The following EPB41L1 variants were observed in gnomAD, a reference collection of about 807,000 sequenced individuals.
EPB41L1 encodes band 4.1-like protein 1.
EPB41L1 carries 29 observed loss-of-function variants against 97.8 expected under a neutral mutation model. The ratio of observed to expected loss-of-function variants is 0.30; its 90% CI spans 0.22 to 0.40. The LOEUF is 0.40. Among genes scored for constraint, EPB41L1 ranks in the 10% least tolerant of loss-of-function variants. EPB41L1 has a pLI of 1.00. For synonymous variants in EPB41L1, 383 were observed against 459.2 expected, an observed-to-expected ratio of 0.83 and a Z score of 2.12; for missense variants, 812 against 1,162.3, an observed-to-expected ratio of 0.70 and a Z score of 4.38.
Position 36,209,865 on chromosome 20 carries a change from G to T in EPB41L1, c.2046G>T (p.Gly682=), listed in dbSNP as rs1415062279. ...GCATTGAGGACAGCCCGGATCGAGG[G>T]GCCTGCTCCACCCCGGATATGCCCC... ...SGGIEDSPDR[G]ACSTPDMPQF... is the part of the protein sequence containing the mutation. Residue 682 remains glycine, a synonymous_variant, in exon 15 of 22, where the codon GGG becomes GGT. Coordinates refer to ENST00000338074, the MANE Select transcript of EPB41L1 (RefSeq NM_012156.2). This position sits in a 1 kb window ranked among gnomAD's most constrained non-coding sequence, Gnocchi z 4.2. 13 of 1,613,526 alleles carry T rather than the reference G, an allele frequency of 8.1e-6. No individual in the cohort carries two copies. The highest frequency in any genetic ancestry group is 1.3e-5 in the African/African-American group (1 of 75,042).
chr20:36,153,848 GT>G (rs2060159202), upstream of EPB41L1, among the ~76,000 whole-genome samples: 1 of 152,028 alleles, frequency 6.6e-6, no homozygotes, highest in Non-Finnish European at 1.5e-5. Context: ...GGTTGGACTG[GT>G]TTTTTTAGTG....
chr20:36,175,571 G>C lies in EPB41L1; in HGVS notation c.198G>C (p.Lys66Asn). ...PAEQSLDMEE[K>N]DYSEADGLSE... ...TGCAGAGCCTAGACATGGAGGAGAA[G>C]GACTACAGTGAGGCCGATGGCCTTT... Residue 66 changes from lysine (K) to asparagine (N), a missense_variant, in exon 3 of 22, where the codon AAG (lysine) becomes AAC (asparagine). By Grantham distance (94) the Lys-to-Asn change is moderately conservative (BLOSUM62 0). Coordinates refer to ENST00000338074, the MANE Select transcript of EPB41L1 (RefSeq NM_012156.2). The C allele has an allele frequency of 3.7e-6, 6 of 1,614,218 alleles. No individual in the cohort carries two copies. Among genetic ancestry groups the C allele is most frequent in the Non-Finnish European group, 5.1e-6 (6 of 1,180,038 alleles).
chr20:36,098,712 G>A (rs917429095), intron 1 of EPB41L1, among the ~76,000 whole-genome samples: 4 of 152,160 alleles, frequency 2.6e-5, no homozygotes, highest in Non-Finnish European at 5.9e-5. Context: ...ATAAATTTGG[G>A]TTGGGAGGGG....
intron 1 of EPB41L1, among the ~76,000 whole-genome samples, chr20:36,169,756 C>T (rs888777066): frequency 5.9e-5 from 9 of 152,222 alleles, no homozygotes; most frequent in Non-Finnish European, 1.3e-4. Context: ...CACCTCCCCA[C>T]CCTAGAAGCT....
At chr20:36,109,545 A>G (rs1402214825) in intron 1 of EPB41L1, 1 of 152,218 alleles carries the variant, frequency 6.6e-6, no homozygotes, top group South Asian at 2.1e-4. Context: ...GCTCATATTC[A>G]GTTATTCCAT....
At chr20:36,114,793 CTGAG>C (rs2147621951) in intron 2 of EPB41L1, among the ~76,000 whole-genome samples, 1 of 152,256 alleles carries the variant, frequency 6.6e-6, no homozygotes, top group East Asian at 1.9e-4. Context: ...GGGAAGGACT[CTGAG>C]TGGTTCAATC....
At chr20:36,096,060 G>A (rs1405228927) in intron 1 of EPB41L1, among the ~76,000 whole-genome samples, 4 of 152,070 alleles carry the variant, frequency 2.6e-5, no homozygotes, top group Non-Finnish European at 5.9e-5. Context: ...CAATTTCTTG[G>A]TTCTCACGCC....
intron 1 of EPB41L1, among the ~76,000 whole-genome samples, chr20:36,160,773 C>T (rs1367933891): frequency 6.6e-6 from 1 of 152,128 alleles, no homozygotes; most frequent in Non-Finnish European, 1.5e-5. Flanking sequence ...TTACAACTTG[C>T]ATTTTTCATG....
At chr20:36,121,433 G>T (rs531207299) in intron 2 of EPB41L1, among the ~76,000 whole-genome samples, 1 of 152,280 alleles carries the variant, frequency 6.6e-6, no homozygotes, top group Non-Finnish European at 1.5e-5. Context: ...TGTGCTGGGG[G>T]TCAGGCTTGG....
At chr20:36,163,454 G>T (rs58013280) in intron 1 of EPB41L1, among the ~76,000 whole-genome samples, 8,828 of 152,246 alleles carry the variant, frequency 0.058, 411 homozygotes, top group South Asian at 0.15. Flanking sequence ...GGGGCTTCCT[G>T]ACGGTTCCCT....
At chr20:36,134,852 CTTTTTTTTTTTTTTTT>C (rs764236552) in intron 2 of EPB41L1, among the ~76,000 whole-genome samples, 1 of 107,630 alleles carries the variant, frequency 9.3e-6, no homozygotes, top group Non-Finnish European at 1.9e-5. Flanking sequence ...TTTTCTCTGT[CTTTTTTTTTTTTTTTT>C]TTTTTTTTTG....
chr20:36,147,107 C>T (rs1375361130), intron 2 of EPB41L1, among the ~76,000 whole-genome samples: 1 of 152,010 alleles, frequency 6.6e-6, no homozygotes, highest in African/African-American at 2.4e-5. Context: ...ATGATCACAC[C>T]ACTGCACTCC....
rs929712628 is a variant in EPB41L1, at chr20:36,205,005, A to G, written c.1669-4483A>G. Among the ~76,000 whole-genome samples, 18 of 152,258 alleles carry G rather than the reference A, an allele frequency of 1.2e-4. 1 individual carries two copies. Among genetic ancestry groups the G allele is most frequent in the South Asian group, 6.2e-4 (3 of 4,820 alleles). ...CTCTCTCCCTTCCTTGATGCATTCT[A>G]TTGAGTTCTTTTCTGCTCTTTCTAT... On this transcript the variant is annotated intron_variant, in intron 14 of 21. Coordinates refer to ENST00000338074, the MANE Select transcript of EPB41L1 (RefSeq NM_012156.2).
intron 6 of EPB41L1, among the ~76,000 whole-genome samples, chr20:36,183,406 G>A (rs1042923002): frequency 1.3e-5 from 2 of 152,210 alleles, no homozygotes; most frequent in Non-Finnish European, 2.9e-5. Flanking sequence ...GGGCTTTGGC[G>A]TCATTAGTCC....
At chr20:36,099,476 G>A (rs966002393) in intron 1 of EPB41L1, among the ~76,000 whole-genome samples, 3 of 152,190 alleles carry the variant, frequency 2.0e-5, no homozygotes, top group Admixed American at 1.3e-4. Flanking sequence ...TTAAGGGCTT[G>A]TAGCTGTGAT....
chr20:36,125,527 G>T, intron 2 of EPB41L1: 1 of 1,531,006 alleles, frequency 6.5e-7, no homozygotes, highest in South Asian at 1.2e-5. Flanking sequence ...GCTCAGTAAA[G>T]GTGAGCTATT....
intron 1 of EPB41L1, among the ~76,000 whole-genome samples, chr20:36,161,483 GT>G (rs1368240498): frequency 6.6e-6 from 1 of 151,252 alleles, no homozygotes; most frequent in Non-Finnish European, 1.5e-5. Context: ...GGGTTTTTTT[GT>G]TTTGTTTTTG....
rs377739207 is a variant in EPB41L1, at chr20:36,218,958, C to G, written c.2351C>G (p.Ser784Cys). The change falls in exon 18 of 22, where the codon TCT becomes TGT. Residue 784 changes from serine (S) to cysteine (C), a missense_variant. This residue lies in a region of EPB41L1 where 498 missense variants were observed against 622.7 expected (regional missense o/e 0.80). Transcript: ENST00000338074. ...QTVATEIRSL[S>C]PIIGKDVLTS... ...GTGGCCACGGAAATCCGTTCTCTTT[C>G]TCCGGTAAGTGGGCAAGGCCAGCTC... 3 of 1,614,148 alleles carry G rather than the reference C, an allele frequency of 1.9e-6. No homozygotes were observed. The highest frequency in any genetic ancestry group is 2.5e-6 in the Non-Finnish European group (3 of 1,180,014).
Position 36,209,550 on chromosome 20 carries a change from G to A in EPB41L1, c.1731G>A (p.Glu577=). The A allele has an allele frequency of 6.2e-7, 1 of 1,614,116 alleles. No individual in the cohort carries two copies. Among genetic ancestry groups the A allele is most frequent in the Non-Finnish European group, 8.5e-7 (1 of 1,180,010 alleles). Residue 577 remains glutamate (E), a synonymous_variant, in exon 15 of 22, where the codon GAG becomes GAA. Transcript: ENST00000338074. This position sits in a 1 kb window ranked among gnomAD's most constrained non-coding sequence, Gnocchi z 4.2. ...KVKPPRPRAP[E]SDTGDEDQDQ... Reference sequence around the variant, plus strand: ...AACCACCACGTCCCCGGGCCCCAGAGAGTGACACAGGCGATGAGGACCAGG... The same window carrying A: ...AACCACCACGTCCCCGGGCCCCAGAAAGTGACACAGGCGATGAGGACCAGG...
Sources: gnomAD v4.1 joint callset for allele counts (sites outside exome capture counted in the v4.1 genomes callset) on GRCh38, gnomAD v4.1.1 for gene constraint, gnomAD v4.1.1 regional missense constraint, Gnocchi (gnomAD v3.1) non-coding constraint, MANE v1.5 for transcripts, NCBI Gene and HGNC (gene_info 2026-07-23, HGNC 2026-07-21) for gene names.